The following CASTOR1 variants were observed in gnomAD, a reference collection of about 807,000 sequenced individuals.
CASTOR1 encodes GATS protein like 3.
In CASTOR1, 18 loss-of-function variants were observed where a neutral mutation model predicts 33.7. The observed-to-expected ratio is 0.53, with a 90% CI of 0.37 to 0.79. CASTOR1 has a LOEUF of 0.79. Among genes scored for constraint, CASTOR1 ranks in the 30% least tolerant of loss-of-function variants. CASTOR1 has a pLI of 0.00. For missense variants in CASTOR1, 362 were observed against 446.3 expected, an observed-to-expected ratio of 0.81 and a Z score of 1.70; for synonymous variants, 175 against 190.6, an observed-to-expected ratio of 0.92 and a Z score of 0.67.
At position 30,286,438 on chromosome 22, in the gene CASTOR1, G is replaced by T. The variant is rs1314659376; in HGVS notation, c.630-62C>A. On this transcript the variant is annotated intron_variant, in intron 5 of 8. Coordinates refer to ENST00000407689, the MANE Select transcript of CASTOR1 (RefSeq NM_001037666.3). The stretch of plus-strand genomic sequence containing the variant: ...CACCCAGCCTACTGCCCCTGCTCCC[G>T]ATCAGCCTCCAGAACCCTGGGAAGG... 25 of 1,146,600 alleles carry T rather than the reference G, an allele frequency of 2.2e-5. 1 individual carries two copies. The South Asian group carries it at 2.5e-4, about 12-fold the overall frequency. 71.0% of individuals were successfully genotyped at this position (1,146,600 alleles called of 1,614,324 possible).
At position 30,285,308 on chromosome 22, in the gene CASTOR1, G is replaced by C. The variant is rs1929726092; in HGVS notation, c.*312C>G. 4.0e-6 allele frequency: 1 copy of C among 252,472 alleles called. No individual in the cohort carries two copies. The highest frequency in any genetic ancestry group is 7.6e-6 in the Non-Finnish European group (1 of 131,934). 15.6% of individuals were successfully genotyped at this position (252,472 alleles called of 1,614,324 possible). On this transcript the variant is annotated 3_prime_UTR_variant, in exon 9 of 9. Coordinates refer to ENST00000407689, the MANE Select transcript of CASTOR1 (RefSeq NM_001037666.3). ...AGGAAGCCTTTGGGGAATGGCTCAGGCCTCAGGCAGGGACTGTGCAAACGC... is the reference window on the plus strand; with the variant it reads ...AGGAAGCCTTTGGGGAATGGCTCAGCCCTCAGGCAGGGACTGTGCAAACGC...
intron 6 of CASTOR1, 54 bp from the exon 7 acceptor site, chr22:30,286,152 C>A: frequency 6.9e-7 from 1 of 1,455,038 alleles, no homozygotes; most frequent in South Asian, 1.3e-5. Flanking sequence ...CCTGCCTGAC[C>A]GTGAGCTCTG....
chr22:30,289,345 C>G (rs1437005404), intron 1 of CASTOR1, 40 bp downstream of exon 1: 1 of 1,374,760 alleles, frequency 7.3e-7, no homozygotes, highest in Non-Finnish European at 1.0e-6. Flanking sequence ...GAGAGCAGAG[C>G]CCCCAGCCCC....
intron 2 of CASTOR1, chr22:30,287,924 T>C: frequency 4.0e-6 from 2 of 498,750 alleles, no homozygotes; most frequent in Non-Finnish European, 7.8e-6. Flanking sequence ...AGCAGAAGCT[T>C]TGTACCACAT....
intron 2 of CASTOR1, among the ~76,000 whole-genome samples, 183 bp downstream of exon 2, chr22:30,288,523 G>C (rs1929842336): frequency 1.3e-5 from 2 of 152,176 alleles, no homozygotes. Flanking sequence ...AAACAGCTCA[G>C]AGAGGGAAAG....
At position 30,285,419 on chromosome 22, in the gene CASTOR1, C is replaced by T. The variant is rs993712800; in HGVS notation, c.*201G>A. On this transcript the variant is annotated 3_prime_UTR_variant, in exon 9 of 9. Transcript: ENST00000407689. ...ATGGGCAGACACGCAGTCAGGCTAG[C>T]ACCTGCCCACTCCACCTGTGAGTGT... The T allele has an allele frequency of 1.2e-4, 67 of 540,190 alleles. No individual in the cohort carries two copies. Among genetic ancestry groups the T allele is most frequent in the Non-Finnish European group, 1.9e-4 (58 of 306,654 alleles). The allele number at this position is 540,190 out of a possible 1,614,324, so 33.5% of individuals were successfully genotyped here. A position where few individuals can be genotyped will look rare whatever the true frequency, so the allele number is the denominator to read the frequency against.
rs1354671043 is a variant in CASTOR1 at position 30,285,668 on chromosome 22, G to T, written c.942C>A (p.Gly314=). ...GCCGCTGGAGGACCTCGATGACGCT[G>T]CCGATACCGTCCTCGGGCACCTGAG... ...DHALVPEDGI[G]SVIEVLQRRQ... is the part of the protein sequence containing the mutation. Residue 314 remains glycine (G), a synonymous_variant, in exon 9 of 9, where the codon GGC becomes GGA. Coordinates refer to ENST00000407689, the MANE Select transcript of CASTOR1 (RefSeq NM_001037666.3). 10 of 1,571,578 alleles carry T rather than the reference G, an allele frequency of 6.4e-6. No individual in the cohort carries two copies. The highest frequency in any genetic ancestry group is 7.8e-6 in the Non-Finnish European group (9 of 1,159,150).
At chr22:30,287,349 C>T in intron 3 of CASTOR1, 24 bp downstream of exon 3, 1 of 1,601,388 alleles carries the variant, frequency 6.2e-7, no homozygotes, top group Non-Finnish European at 8.5e-7. Context: ...CCCTGCTCTG[C>T]ATCAGCACCA....
Position 30,286,885 on chromosome 22 carries a change from T to C in CASTOR1, c.569A>G (p.Asp190Gly). The change falls in exon 5 of 9, where the codon GAC becomes GGC. Residue 190 changes from aspartate to glycine, a missense_variant. Physicochemically the swap from Asp to Gly is moderately conservative, Grantham distance 94. Coordinates refer to ENST00000407689, the MANE Select transcript of CASTOR1 (RefSeq NM_001037666.3). ...PQNRFCVLTLDPETLPAIATT... is the reference protein window; with the variant it reads ...PQNRFCVLTLGPETLPAIATT... ...GGCGATGGCTGGAAGCGTCTCAGGG[T>C]CCAGTGTGAGGACACAGAAGCGGTT... is the stretch of plus-strand genomic sequence containing the variant. 1.9e-6 allele frequency: 3 copies of C among 1,614,010 alleles called. No homozygotes were observed. The highest frequency in any genetic ancestry group is 2.5e-6 in the Non-Finnish European group (3 of 1,179,984).
In CASTOR1 at chr22:30,285,567, T is replaced by C. The variant is rs1929732124; in HGVS notation, c.*53A>G. The C allele has an allele frequency of 7.2e-7, 1 of 1,383,016 alleles. No individual in the cohort carries two copies. 85.7% of individuals were successfully genotyped at this position (1,383,016 alleles called of 1,614,324 possible). The stretch of plus-strand genomic sequence containing the variant: ...TAAGGAAATAGCTTAGAGAAGTCTT[T>C]GGAAGCCTGGGTCGAGGGGAGAGCA... On this transcript the variant is annotated 3_prime_UTR_variant, in exon 9 of 9. Transcript: ENST00000407689.
chr22:30,288,168 G>A (rs767936721), intron 2 of CASTOR1, among the ~76,000 whole-genome samples: 1 of 152,224 alleles, frequency 6.6e-6, no homozygotes, highest in South Asian at 2.1e-4. Flanking sequence ...CCAGGCTGGC[G>A]TCCAGTCCTG....
chr22:30,288,841 C>G, intron 1 of CASTOR1, 65 bp from the exon 2 acceptor site: 1 of 1,392,814 alleles, frequency 7.2e-7, no homozygotes, highest in Non-Finnish European at 9.9e-7. Context: ...GTGGATTTCT[C>G]TCCATCTGCC....
rs1929733686 is a variant in CASTOR1 at position 30,285,598 on chromosome 22, G to A, written c.*22C>T. 1 of 1,523,596 alleles carries A rather than the reference G, an allele frequency of 6.6e-7. No homozygotes were observed. The highest frequency in any genetic ancestry group is 1.4e-5 in the African/African-American group (1 of 72,624). The allele number at this position is 1,523,596 out of a possible 1,614,324, so 94.4% of individuals were successfully genotyped here. On this transcript the variant is annotated 3_prime_UTR_variant, in exon 9 of 9. Coordinates refer to ENST00000407689, the MANE Select transcript of CASTOR1 (RefSeq NM_001037666.3). ...CCTGGGTCGAGGGGAGAGCAGGGAG[G>A]CTGCTCTGTTGCCCATGGGCCTCAG...
At chr22:30,287,071 T>C (rs1929795053) in intron 4 of CASTOR1, 84 bp downstream of exon 4, 1 of 1,550,806 alleles carries the variant, frequency 6.4e-7, no homozygotes, top group South Asian at 1.2e-5. Context: ...GGGGTCCTCC[T>C]GCCCCACTGG....
At chr22:30,287,818 T>G (rs1422031843) in intron 2 of CASTOR1, 9 of 671,894 alleles carry the variant, frequency 1.3e-5, no homozygotes, top group Admixed American at 1.0e-4. Flanking sequence ...TTTGTTAATT[T>G]GTCTTATGAC....
At chr22:30,288,657 G>C in intron 2 of CASTOR1, 49 bp downstream of exon 2, 2 of 1,496,860 alleles carry the variant, frequency 1.3e-6, no homozygotes. Context: ...TACAGAAGGG[G>C]AGCACGACAA....
rs778448281 is a variant in CASTOR1, at chr22:30,286,889, G to T, written c.565C>A (p.Leu189Met). Reference protein sequence around the residue: ...SPQNRFCVLTLDPETLPAIAT... With the variant: ...SPQNRFCVLTMDPETLPAIAT... ...ATGGCTGGAAGCGTCTCAGGGTCCA[G>T]TGTGAGGACACAGAAGCGGTTCTGT... The change falls in exon 5 of 9, where the codon CTG (leucine) becomes ATG (methionine). Residue 189 changes from leucine (L) to methionine (M), a missense_variant. Leu to Met is a conservative substitution (Grantham distance 15, BLOSUM62 2). Coordinates refer to ENST00000407689, the MANE Select transcript of CASTOR1 (RefSeq NM_001037666.3). The T allele has an allele frequency of 3.1e-6, 5 of 1,614,196 alleles. No individual in the cohort carries two copies. The highest frequency in any genetic ancestry group is 4.2e-6 in the Non-Finnish European group (5 of 1,180,014).
rs757859542 is a variant in CASTOR1 at position 30,289,502 on chromosome 22, G to C, written c.-5C>G. On this transcript the variant is annotated 5_prime_UTR_variant, in exon 1 of 9. Coordinates refer to ENST00000407689, the MANE Select transcript of CASTOR1 (RefSeq NM_001037666.3). ...TTCTAGGATGTGCAGCTCCATCGCG[G>C]CTCGCGCGGACCCGACCCCGCCGCC... The C allele has an allele frequency of 1.3e-6, 2 of 1,554,496 alleles. No individual in the cohort carries two copies. Among genetic ancestry groups the C allele is most frequent in the Admixed American group, 1.9e-5 (1 of 52,722 alleles).
At position 30,286,098 on chromosome 22, in the gene CASTOR1, C is replaced by A. The variant is rs547927578; in HGVS notation, c.744G>T (p.Lys248Asn). 2 of 1,568,898 alleles carry A rather than the reference C, an allele frequency of 1.3e-6. No homozygotes were observed. Among genetic ancestry groups the A allele is most frequent in the Non-Finnish European group, 1.7e-6 (2 of 1,156,278 alleles). The stretch of plus-strand genomic sequence containing the variant: ...TGGTCAGCAGGAGGTCACTGGGGAA[C>A]CTGGGGAGGGAGATGGGTGATGGGC... ...SIVMDAETQK[K>N]FPSDLLLTSS... Residue 248 changes from lysine (K) to asparagine (N), a missense_variant and splice_region_variant, in exon 7 of 9, where the codon AAG becomes AAT. By Grantham distance (94) the Lys-to-Asn change is moderately conservative. Coordinates refer to ENST00000407689, the MANE Select transcript of CASTOR1 (RefSeq NM_001037666.3).
Sources: allele counts gnomAD v4.1 joint callset (sites outside exome capture counted in the v4.1 genomes callset), GRCh38; gene constraint gnomAD v4.1.1; transcripts MANE v1.5; gene names NCBI Gene and HGNC (gene_info 2026-07-23, HGNC 2026-07-21).